TIAM1: variants seen among roughly 807,000 people sequenced by gnomAD.
The protein encoded by TIAM1 is TIAM Rac1 associated GEF 1.
Under a neutral mutation model 163.5 loss-of-function variants are expected in TIAM1, and 65 were observed. That is an observed-to-expected ratio of 0.40 (90% CI 0.33 to 0.49). The LOEUF is 0.49. Among genes scored for constraint, TIAM1 ranks in the 20% least tolerant of loss-of-function variants. The pLI is 0.77. For synonymous variants in TIAM1, 833 were observed against 810.1 expected (o/e 1.03, Z -0.48); for missense variants, 1,789 against 2,044.7 (o/e 0.87, Z 2.41).
intron 13 of TIAM1, among the ~76,000 whole-genome samples, chr21:31,189,271 T>G (rs993658295): frequency 1.3e-5 from 2 of 151,832 alleles, no homozygotes; most frequent in African/African-American, 2.4e-5. Flanking sequence ...GCCAGACTGG[T>G]CTCAAACTCC....
At chr21:31,204,248 AATGAT>A (rs2086342858) in intron 11 of TIAM1, among the ~76,000 whole-genome samples, 1 of 152,212 alleles carries the variant, frequency 6.6e-6, no homozygotes, top group African/African-American at 2.4e-5. Context: ...AATAGATAGA[AATGAT>A]ATAATGTCTG....
intron 2 of TIAM1, among the ~76,000 whole-genome samples, chr21:31,449,658 G>A (rs2044753400): frequency 6.6e-6 from 1 of 152,158 alleles, no homozygotes; most frequent in Admixed American, 6.5e-5. Context: ...CATTACAGGT[G>A]GGAGCCACTG....
chr21:31,416,122 C>T (rs2147249828), intron 2 of TIAM1, among the ~76,000 whole-genome samples: 1 of 151,422 alleles, frequency 6.6e-6, no homozygotes, highest in Middle Eastern at 3.4e-3. Context: ...GCCAGTGGGG[C>T]TCTCTCTTCT....
Position 31,118,703 on chromosome 21 carries a change from A to C in TIAM1, c.*1665T>G. 1 of 468,400 alleles carries C rather than the reference A, an allele frequency of 2.1e-6. No individual in the cohort carries two copies. Among genetic ancestry groups the C allele is most frequent in the South Asian group, 1.6e-5 (1 of 63,864 alleles). The allele number at this position is 468,400 out of a possible 1,614,324, so 29.0% of individuals were successfully genotyped here. ...CGATCGAACCGGAGATGATATGGAA[A>C]AATGCAGTGATACAAAGGGTATAGA... On this transcript the variant is annotated 3_prime_UTR_variant, in exon 28 of 28. Transcript: ENST00000541036.
chr21:31,554,671 A>T (rs2048811520), intron 1 of TIAM1, among the ~76,000 whole-genome samples: 1 of 152,212 alleles, frequency 6.6e-6, no homozygotes, highest in South Asian at 2.1e-4. Flanking sequence ...CTGAAAGCAG[A>T]CAATTGATCG....
rs1168854881 is a variant in TIAM1, at chr21:31,120,552, G to A, written c.4592C>T (p.Thr1531Ile). ...GCCTCTTTCCCGCTGACTGATGGAG[G>A]TGGCCTGAAGCCGCTCCTGCAGGTC... is the stretch of plus-strand genomic sequence containing the variant. The part of the protein sequence containing the change: ...DRDLQERLQA[T>I]SISQRERGRK... Residue 1531 changes from threonine (T) to isoleucine (I), a missense_variant, in exon 28 of 28, where the codon ACC becomes ATC. This residue lies in a region of TIAM1 where 415 missense variants were observed against 439.2 expected (regional missense o/e 0.94). Transcript: ENST00000541036. This position sits in a 1 kb window ranked among gnomAD's most constrained non-coding sequence, Gnocchi z 4.2. 1 of 1,614,184 alleles carries A rather than the reference G, an allele frequency of 6.2e-7. No individual in the cohort carries two copies. The highest frequency in any genetic ancestry group is 1.1e-5 in the South Asian group (1 of 91,082).
intron 11 of TIAM1, among the ~76,000 whole-genome samples, chr21:31,209,756 T>A (rs563143538): frequency 5.9e-5 from 9 of 152,344 alleles, no homozygotes; most frequent in Non-Finnish European, 8.8e-5. Flanking sequence ...TTCACCTAGA[T>A]TTTCTAAAAG....
chr21:31,197,194 T>A (rs2085903275), intron 12 of TIAM1, among the ~76,000 whole-genome samples: 2 of 152,138 alleles, frequency 1.3e-5, no homozygotes, highest in Admixed American at 1.3e-4. Flanking sequence ...CATCATGCGA[T>A]ATACTCAGGT....
intron 1 of TIAM1, among the ~76,000 whole-genome samples, chr21:31,520,445 C>T (rs777029819): frequency 1.9e-4 from 29 of 151,834 alleles, no homozygotes; most frequent in Non-Finnish European, 3.4e-4. Flanking sequence ...TTTTTGAGTG[C>T]GGTTTTACTT....
chr21:31,277,547 T>C (rs1369238551), intron 2 of TIAM1, among the ~76,000 whole-genome samples: 1 of 152,112 alleles, frequency 6.6e-6, no homozygotes, highest in Non-Finnish European at 1.5e-5. Context: ...CAGGAGGCTG[T>C]GGCGGGAGAA....
intron 3 of TIAM1, among the ~76,000 whole-genome samples, chr21:31,267,937 T>G (rs2072875054): frequency 6.6e-6 from 1 of 152,094 alleles, no homozygotes; most frequent in Non-Finnish European, 1.5e-5. Context: ...ATTTTTACAG[T>G]CTCTCTCACT....
chr21:31,543,994 C>G (rs187165694), intron 1 of TIAM1, among the ~76,000 whole-genome samples: 51 of 150,968 alleles, frequency 3.4e-4, no homozygotes, highest in Middle Eastern at 7.1e-3. Context: ...GCAGATCGTT[C>G]AAGTCAGGAG....
chr21:31,145,554 C>T (rs1006685817), intron 20 of TIAM1, among the ~76,000 whole-genome samples: 4 of 152,186 alleles, frequency 2.6e-5, no homozygotes, highest in Admixed American at 2.6e-4. Context: ...ACTATGGCGA[C>T]ATAACCACTT....
At chr21:31,444,245 C>T (rs1009212314) in intron 2 of TIAM1, among the ~76,000 whole-genome samples, 13 of 152,126 alleles carry the variant, frequency 8.5e-5, no homozygotes, top group African/African-American at 3.1e-4. Context: ...ATTTAGAATT[C>T]GCACTGGCTT....
At chr21:31,436,351 G>A (rs1239491217) in intron 2 of TIAM1, among the ~76,000 whole-genome samples, 2 of 152,242 alleles carry the variant, frequency 1.3e-5, no homozygotes, top group African/African-American at 4.8e-5. Context: ...TAAAGTATAC[G>A]CCAGAGCCAG....
intron 2 of TIAM1, among the ~76,000 whole-genome samples, chr21:31,312,036 C>T (rs185112977): frequency 1.3e-5 from 2 of 152,250 alleles, no homozygotes; most frequent in African/African-American, 2.4e-5. Context: ...GACTCTTGGA[C>T]TTACACCAGT....
At chr21:31,494,255 A>G (rs2046569230) in intron 1 of TIAM1, among the ~76,000 whole-genome samples, 1 of 152,102 alleles carries the variant, frequency 6.6e-6, no homozygotes, top group African/African-American at 2.4e-5. Flanking sequence ...GGCTCTGAAC[A>G]CACATAAGGC....
intron 1 of TIAM1, among the ~76,000 whole-genome samples, chr21:31,340,228 A>G (rs1462846735): frequency 2.0e-5 from 3 of 151,786 alleles, no homozygotes; most frequent in Non-Finnish European, 4.4e-5. Context: ...TACATAGGAC[A>G]AGGTCCTTAT....
intron 1 of TIAM1, among the ~76,000 whole-genome samples, chr21:31,506,817 T>C (rs1291824579): frequency 6.6e-6 from 1 of 152,158 alleles, no homozygotes; most frequent in African/African-American, 2.4e-5. Flanking sequence ...ACCTGGGTGG[T>C]TGAGGCAGGA....
Sources: allele counts gnomAD v4.1 joint callset (sites outside exome capture counted in the v4.1 genomes callset), GRCh38; gene constraint gnomAD v4.1.1; regional missense constraint gnomAD v4.1.1; non-coding constraint Gnocchi (gnomAD v3.1); transcripts MANE v1.5; gene names NCBI Gene and HGNC (gene_info 2026-07-23, HGNC 2026-07-21).